RORA: variants seen among roughly 807,000 people sequenced by gnomAD.
RORA encodes the protein nuclear receptor ROR-alpha.
RORA carries 7 observed loss-of-function variants against 69.5 expected under a neutral mutation model. The observed-to-expected ratio is 0.10, with a 90% CI of 0.06 to 0.19. RORA has a LOEUF of 0.19. RORA is among the 10% of genes least tolerant of loss of function. The pLI, the probability that RORA is intolerant of heterozygous loss-of-function variation, is 1.00. For synonymous variants in RORA, 261 were observed against 240.8 expected, an observed-to-expected ratio of 1.08 and a Z score of -0.78; for missense variants, 457 against 663.0, an observed-to-expected ratio of 0.69 and a Z score of 3.41.
chr15:60,512,749 G>A (rs1002165151), intron 4 of RORA, among the ~76,000 whole-genome samples: 5 of 152,198 alleles, frequency 3.3e-5, no homozygotes, highest in Admixed American at 2.6e-4. Flanking sequence ...TTTGGGATGT[G>A]TCCCCATATT....
intron 3 of RORA, chr15:60,529,508 G>A (rs931959556): frequency 6.6e-6 from 1 of 152,230 alleles, no homozygotes; most frequent in African/African-American, 2.4e-5. Context: ...ATAAAATTAT[G>A]TTTTATTTAT....
chr15:60,701,100 C>T (rs1196209244), intron 1 of RORA, among the ~76,000 whole-genome samples: 1 of 152,198 alleles, frequency 6.6e-6, no homozygotes, highest in African/African-American at 2.4e-5. Flanking sequence ...TGTCTGTTCA[C>T]TACTCCCACC....
intron 1 of RORA, among the ~76,000 whole-genome samples, chr15:61,037,472 T>A (rs1241906664): frequency 3.9e-5 from 6 of 152,174 alleles, no homozygotes; most frequent in African/African-American, 1.4e-4. Context: ...TAGCACAATA[T>A]ATCCTAACAA....
At position 60,497,233 on chromosome 15, in the gene RORA, A is replaced by G. The variant is rs200428425; in HGVS notation, c.*222T>C. The G allele has an allele frequency of 2.1e-6, 1 of 474,892 alleles. No individual in the cohort carries two copies. The highest frequency in any genetic ancestry group is 3.4e-5 in the East Asian group (1 of 29,042). The allele number at this position is 474,892 out of a possible 1,614,324, so 29.4% of individuals were successfully genotyped here. A position where few individuals can be genotyped will look rare whatever the true frequency, so the allele number is the denominator to read the frequency against. ...AGAAGTCAAGACAGAAAAAGGGTCCATATCTGTAGGCATAATGGAAATCAT... is the reference window on the plus strand; with the variant it reads ...AGAAGTCAAGACAGAAAAAGGGTCCGTATCTGTAGGCATAATGGAAATCAT... On this transcript the variant is annotated 3_prime_UTR_variant, in exon 11 of 11. Transcript: ENST00000335670.
At chr15:61,202,030 C>CG (rs2079899877) in intron 1 of RORA, among the ~76,000 whole-genome samples, 1 of 139,124 alleles carries the variant, frequency 7.2e-6, no homozygotes, top group African/African-American at 2.7e-5. Flanking sequence ...TTTTTTGAGA[C>CG]GGAGTCTCAC....
intron 1 of RORA, among the ~76,000 whole-genome samples, chr15:60,745,907 C>T (rs1178771843): frequency 6.6e-6 from 1 of 152,114 alleles, no homozygotes; most frequent in Non-Finnish European, 1.5e-5. Flanking sequence ...GCTTAATTTC[C>T]TGTGTATTTC....
chr15:60,942,494 T>G (rs1343141185), intron 1 of RORA, among the ~76,000 whole-genome samples: 7 of 152,316 alleles, frequency 4.6e-5, no homozygotes, highest in Non-Finnish European at 1.5e-5. Flanking sequence ...GATGAAAAGG[T>G]GTATGCTTAG....
At chr15:60,724,629 C>T (rs188244657) in intron 1 of RORA, among the ~76,000 whole-genome samples, 61 of 152,304 alleles carry the variant, frequency 4.0e-4, no homozygotes, top group African/African-American at 1.4e-3. Context: ...ATATTGGCCC[C>T]ATCTTCTCTG....
intron 1 of RORA, among the ~76,000 whole-genome samples, chr15:60,950,105 C>G (rs1452505863): frequency 6.6e-6 from 1 of 151,464 alleles, no homozygotes; most frequent in Non-Finnish European, 1.5e-5. Context: ...AGAAACCCTA[C>G]AAGCCAGAAG....
intron 1 of RORA, among the ~76,000 whole-genome samples, chr15:61,148,945 G>A (rs1448612565): frequency 2.0e-5 from 3 of 152,146 alleles, no homozygotes; most frequent in African/African-American, 4.8e-5. Flanking sequence ...CTGCATCTAC[G>A]GATAGACCCA....
intron 1 of RORA, among the ~76,000 whole-genome samples, chr15:60,826,251 A>G (rs923624748): frequency 6.6e-6 from 1 of 152,220 alleles, no homozygotes; most frequent in East Asian, 1.9e-4. Context: ...GGAAGGAAAG[A>G]AAAAAGGAAA....
chr15:61,186,857 G>A (rs908458857), intron 1 of RORA, among the ~76,000 whole-genome samples: 1 of 152,150 alleles, frequency 6.6e-6, no homozygotes, highest in African/African-American at 2.4e-5. Context: ...CACTCTGTCT[G>A]GAGTCAGAGG....
chr15:60,925,357 C>T (rs879498763), intron 1 of RORA, among the ~76,000 whole-genome samples: 2 of 152,146 alleles, frequency 1.3e-5, no homozygotes, highest in Admixed American at 6.5e-5. Flanking sequence ...TGAAATGTCC[C>T]CATATTCAAA....
intron 1 of RORA, among the ~76,000 whole-genome samples, chr15:60,899,919 T>C (rs1175872545): frequency 1.3e-5 from 2 of 152,230 alleles, no homozygotes; most frequent in East Asian, 3.8e-4. Context: ...AGCAGGGTCA[T>C]GCTAGCTTCT....
chr15:61,030,180 T>G (rs1566951683), intron 1 of RORA, among the ~76,000 whole-genome samples: 1 of 152,152 alleles, frequency 6.6e-6, no homozygotes. Flanking sequence ...TAAAGAGACC[T>G]GACAACTAGA....
At chr15:60,589,536 C>G (rs1365130792) in intron 2 of RORA, among the ~76,000 whole-genome samples, 1 of 152,160 alleles carries the variant, frequency 6.6e-6, no homozygotes, top group Non-Finnish European at 1.5e-5. Context: ...AACAAGTGCT[C>G]CCCCGATTAT....
At chr15:61,100,304 G>C (rs1456496951) in intron 1 of RORA, among the ~76,000 whole-genome samples, 1 of 152,020 alleles carries the variant, frequency 6.6e-6, no homozygotes, top group Non-Finnish European at 1.5e-5. Flanking sequence ...ATTTTTAGTA[G>C]AGATGGGGTT....
intron 1 of RORA, among the ~76,000 whole-genome samples, chr15:61,034,733 T>C (rs1238116547): frequency 6.6e-6 from 1 of 151,562 alleles, no homozygotes; most frequent in Non-Finnish European, 1.5e-5. Context: ...ATCTTTTTTC[T>C]TTTTAATAGT....
At chr15:60,617,307 G>A (rs541580335) in intron 2 of RORA, among the ~76,000 whole-genome samples, 19 of 152,110 alleles carry the variant, frequency 1.2e-4, no homozygotes, top group Non-Finnish European at 2.4e-4. Context: ...TTCATTAAGT[G>A]CTTGTCCACT....
Sources: gnomAD v4.1 joint callset for allele counts (sites outside exome capture counted in the v4.1 genomes callset) on GRCh38, gnomAD v4.1.1 for gene constraint, MANE v1.5 for transcripts, NCBI Gene and HGNC (gene_info 2026-07-23, HGNC 2026-07-21) for gene names.